The following REN variants were observed in gnomAD, a reference collection of about 807,000 sequenced individuals.
REN encodes the protein renin.
REN carries 42 observed loss-of-function variants against 48.6 expected under a neutral mutation model. The ratio of observed to expected loss-of-function variants is 0.86; its 90% confidence interval spans 0.68 to 1.12. REN has a LOEUF of 1.12. REN is among the 50% of genes most tolerant of loss of function. The pLI is 0.00. For missense variants in REN, 443 were observed against 527.3 expected, an observed-to-expected ratio of 0.84 and a Z score of 1.57; for synonymous variants, 196 against 204.6, an observed-to-expected ratio of 0.96 and a Z score of 0.36.
In REN at chr1:204,160,653, C is replaced by T. The variant is rs751553609; in HGVS notation, c.399G>A (p.Ser133=). 6 of 1,613,964 alleles carry T rather than the reference C, an allele frequency of 3.7e-6. No individual in the cohort carries two copies. The highest frequency in any genetic ancestry group is 1.7e-5 in the Admixed American group (1 of 60,022). Residue 133 remains serine, a synonymous_variant, in exon 4 of 10, where the codon TCG becomes TCA. Transcript: ENST00000272190. ...CATTGTGCTTGTAGCTGGAGGAATC[C>T]GAAGCATCGAAGAGCTTGTGATACA... ...ACVYHKLFDA[S]DSSSYKHNGT...
At chr1:204,163,883 G>A (rs976381694) in intron 1 of REN, among the ~76,000 whole-genome samples, 12 of 152,286 alleles carry the variant, frequency 7.9e-5, no homozygotes, top group African/African-American at 2.4e-4. Flanking sequence ...CTAACAATGG[G>A]CCTAATGGTA....
At chr1:204,159,685 G>A (rs955701334) in intron 4 of REN, 90 bp from the exon 5 acceptor site, 23 of 1,087,698 alleles carry the variant, frequency 2.1e-5, no homozygotes, top group South Asian at 6.3e-5. Flanking sequence ...GATCCCAGGG[G>A]CACACATGCT....
intron 5 of REN, 142 bp from the exon 6 acceptor site, chr1:204,157,511 A>G: frequency 8.6e-7 from 1 of 1,169,536 alleles, no homozygotes; most frequent in South Asian, 1.2e-5. Flanking sequence ...ACTTGCCTGA[A>G]GTTACCCAGT....
At chr1:204,158,035 G>A (rs1658178863) in intron 5 of REN, among the ~76,000 whole-genome samples, 1 of 151,882 alleles carries the variant, frequency 6.6e-6, no homozygotes, top group Non-Finnish European at 1.5e-5. Flanking sequence ...CCACCTACAG[G>A]CATCACTCGA....
At chr1:204,166,056 G>C in intron 1 of REN, 140 bp downstream of exon 1, 1 of 744,636 alleles carries the variant, frequency 1.3e-6, no homozygotes, top group South Asian at 1.5e-5. Context: ...CAAGTCACTT[G>C]ACCTCTCTGA....
At position 204,163,808 on chromosome 1, in the gene REN, T is replaced by C. The variant is rs146654269; in HGVS notation, c.99-1645A>G. On this transcript the variant is annotated intron_variant, in intron 1 of 9. Coordinates refer to ENST00000272190, the MANE Select transcript of REN (RefSeq NM_000537.4). Reference sequence around the variant, plus strand: ...GGGCATGCCTGAATCCCCTTACCACTTATGTGATTCTGAGAAAGCTACCTA... The same window carrying C: ...GGGCATGCCTGAATCCCCTTACCACCTATGTGATTCTGAGAAAGCTACCTA... Among the ~76,000 whole-genome samples, 7 of 152,294 alleles carry C rather than the reference T, an allele frequency of 4.6e-5. No individual in the cohort carries two copies. The East Asian group carries it at 1.4e-3, about 29-fold the overall frequency.
At chr1:204,162,197 G>C in intron 1 of REN, 34 bp from the exon 2 acceptor site, 1 of 1,612,480 alleles carries the variant, frequency 6.2e-7, no homozygotes, top group Non-Finnish European at 8.5e-7. Context: ...AAATAGAAAA[G>C]TGCTGTACCT....
At chr1:204,163,154 C>T (rs1447756625) in intron 1 of REN, among the ~76,000 whole-genome samples, 1 of 152,202 alleles carries the variant, frequency 6.6e-6, no homozygotes, top group Non-Finnish European at 1.5e-5. Context: ...CCCAAGTTGA[C>T]TCTGCAATAG....
In REN at chr1:204,155,187, AG is replaced by A. The variant is rs751957968; in HGVS notation, c.1060-11del. On this transcript the variant is annotated splice_polypyrimidine_tract_variant and intron_variant, in intron 9 of 9. Transcript: ENST00000272190. ...TACTACTGTAGGATTCCTGGCAGGAAGGGGGAGAGTTTCTCCATACCCAGCA... is the reference window on the plus strand; with the variant it reads ...TACTACTGTAGGATTCCTGGCAGGAAGGGGAGAGTTTCTCCATACCCAGCA... 1.2e-6 allele frequency: 2 copies of A among 1,614,044 alleles called. No homozygotes were observed. The highest frequency in any genetic ancestry group is 4.5e-5 in the East Asian group (2 of 44,880).
rs141706094 is a variant in REN at position 204,159,458 on chromosome 1, G to A, written c.630C>T (p.Phe210=). ...EQAIGRVTPI[F]DNIISQGVLK... ...GCACCCCTTGGGAGATGATGTTGTC[G>A]AAGATAGGGGTGACCCTGCCAATGG... Residue 210 remains phenylalanine (F), a synonymous_variant, in exon 5 of 10, where the codon TTC becomes TTT. Coordinates refer to ENST00000272190, the MANE Select transcript of REN (RefSeq NM_000537.4). The A allele has an allele frequency of 4.2e-4, 684 of 1,614,072 alleles. 1 individual carries two copies. The highest frequency in any genetic ancestry group is 8.8e-4 in the African/African-American group (66 of 74,992).
At chr1:204,162,566 G>A (rs1054761104) in intron 1 of REN, among the ~76,000 whole-genome samples, 2 of 152,226 alleles carry the variant, frequency 1.3e-5, no homozygotes, top group African/African-American at 4.8e-5. Flanking sequence ...CTGGCGGGAG[G>A]ACAGACAGGA....
intron 1 of REN, 75 bp from the exon 2 acceptor site, chr1:204,162,238 AC>A: frequency 1.3e-6 from 2 of 1,542,012 alleles, no homozygotes; most frequent in Non-Finnish European, 1.8e-6. Flanking sequence ...CTGAGGCCAA[AC>A]CCCTGCTTTT....
intron 1 of REN, among the ~76,000 whole-genome samples, chr1:204,165,430 T>C (rs1658326570): frequency 6.6e-6 from 1 of 152,208 alleles, no homozygotes; most frequent in African/African-American, 2.4e-5. Context: ...AATGATAAAC[T>C]GAGACTTGGA....
Position 204,155,104 on chromosome 1 carries a change from G to A in REN, c.1133C>T (p.Thr378Ile). The change falls in exon 10 of 10, where the codon ACC becomes ATC. Residue 378 changes from threonine (T) to isoleucine (I), a missense_variant. By Grantham distance (89) the Thr-to-Ile change is moderately conservative. Coordinates refer to ENST00000272190, the MANE Select transcript of REN (RefSeq NM_000537.4). Reference sequence around the variant, plus strand: ...GATGAAGGTGGCCCCCAGGGCCCAGGTGGGTCCAGTGGGTGGCGGGATATC... The same window carrying A: ...GATGAAGGTGGCCCCCAGGGCCCAGATGGGTCCAGTGGGTGGCGGGATATC... ...AMDIPPPTGP[T>I]WALGATFIRK... is the part of the protein sequence containing the mutation. 1 of 1,614,248 alleles carries A rather than the reference G, an allele frequency of 6.2e-7. No homozygotes were observed. Among genetic ancestry groups the A allele is most frequent in the East Asian group, 2.2e-5 (1 of 44,892 alleles).
rs1282761728 is a variant in REN, at chr1:204,156,651, C to A, written c.818+26G>T. ...CCAGTGACGGCAGCATTTTTTGGAGCCCGGGGAGGGTTGAGGATTTCTGAC... is the reference window on the plus strand; with the variant it reads ...CCAGTGACGGCAGCATTTTTTGGAGACCGGGGAGGGTTGAGGATTTCTGAC... On this transcript the variant is annotated intron_variant, in intron 7 of 9. Coordinates refer to ENST00000272190, the MANE Select transcript of REN (RefSeq NM_000537.4). This position sits in a 1 kb window ranked among gnomAD's most constrained non-coding sequence, Gnocchi z 4.2. The A allele has an allele frequency of 1.2e-6, 2 of 1,612,260 alleles. No individual in the cohort carries two copies. Among genetic ancestry groups the A allele is most frequent in the Non-Finnish European group, 1.7e-6 (2 of 1,179,102 alleles).
chr1:204,157,379 AAG>A lies in REN; in HGVS notation c.690-12_690-11del. On this transcript the variant is annotated splice_polypyrimidine_tract_variant and intron_variant, in intron 5 of 9. Coordinates refer to ENST00000272190, the MANE Select transcript of REN (RefSeq NM_000537.4). ...TCCTTACTCGGAATCTCTGCAGAGA[AAG>A]AGAGACAGCAGAAAGGAAGCTTCAT... 1 of 1,614,136 alleles carries A rather than the reference AAG, an allele frequency of 6.2e-7. No individual in the cohort carries two copies. The highest frequency in any genetic ancestry group is 1.1e-5 in the South Asian group (1 of 91,092).
intron 1 of REN, among the ~76,000 whole-genome samples, chr1:204,162,751 A>G (rs1466654104): frequency 6.6e-6 from 1 of 152,226 alleles, no homozygotes; most frequent in African/African-American, 2.4e-5. Flanking sequence ...GCTGTGGTGG[A>G]GTGGACCCCC....
rs761011960 is a variant in REN, at chr1:204,155,015, C to A, written c.*1G>T. 6.2e-7 allele frequency: 1 copy of A among 1,613,836 alleles called. No homozygotes were observed. The highest frequency in any genetic ancestry group is 8.5e-7 in the Non-Finnish European group (1 of 1,180,032). On this transcript the variant is annotated 3_prime_UTR_variant, in exon 10 of 10. Transcript: ENST00000272190. ...AGGGCCTGCCTGGGTGGCAGAGGGC[C>A]TCAGCGGGCCAAGGCGAAGCCAATG...
At position 204,154,952 on chromosome 1, in the gene REN, C is replaced by T; in HGVS notation, c.*64G>A. ...GGCATAAGCCCAGGCAGAGGGGCAT[C>T]TCAGAGAGTGTTCCAGCTCTGGGCC... On this transcript the variant is annotated 3_prime_UTR_variant, in exon 10 of 10. Transcript: ENST00000272190. 6.3e-7 allele frequency: 1 copy of T among 1,589,548 alleles called. No homozygotes were observed. Among genetic ancestry groups the T allele is most frequent in the Non-Finnish European group, 8.6e-7 (1 of 1,163,752 alleles).
Sources: gnomAD v4.1 joint callset for allele counts (sites outside exome capture counted in the v4.1 genomes callset) on GRCh38, gnomAD v4.1.1 for gene constraint, Gnocchi (gnomAD v3.1) non-coding constraint, MANE v1.5 for transcripts, NCBI Gene and HGNC (gene_info 2026-07-23, HGNC 2026-07-21) for gene names.